ROBO2: variants seen among roughly 807,000 people sequenced by gnomAD.
ROBO2 encodes roundabout homolog 2.
A neutral mutation model predicts 160.8 loss-of-function variants in ROBO2; 53 were observed. The ratio of observed to expected loss-of-function variants is 0.33; its 90% CI spans 0.26 to 0.41. The LOEUF is 0.41. Ranked by LOEUF, ROBO2 falls within the 10% of genes least tolerant of loss-of-function variation. The pLI is 1.00. For synonymous variants in ROBO2, 664 were observed against 611.7 expected, an observed-to-expected ratio of 1.09 and a Z score of -1.26; for missense variants, 1,577 against 1,722.4, an observed-to-expected ratio of 0.92 and a Z score of 1.49.
chr3:77,123,893 A>G (rs917097677), intron 2 of ROBO2, among the ~76,000 whole-genome samples: 1 of 138,838 alleles, frequency 7.2e-6, no homozygotes, highest in Admixed American at 7.2e-5. Context: ...ATATAGATAC[A>G]CATATCTATG....
intron 2 of ROBO2, among the ~76,000 whole-genome samples, chr3:76,957,198 G>A (rs1429454575): frequency 2.0e-5 from 3 of 151,698 alleles, no homozygotes; most frequent in East Asian, 1.9e-4. Context: ...TGGCTGAATC[G>A]TTTATCTGTA....
intron 2 of ROBO2, among the ~76,000 whole-genome samples, chr3:76,264,453 C>A (rs1176876931): frequency 6.6e-6 from 1 of 151,666 alleles, no homozygotes; most frequent in Non-Finnish European, 1.5e-5. Flanking sequence ...GCCTGGAAAA[C>A]ATAACATGAA....
intron 2 of ROBO2, among the ~76,000 whole-genome samples, chr3:77,292,195 A>C (rs1383034909): frequency 6.6e-6 from 1 of 151,642 alleles, no homozygotes; most frequent in Admixed American, 6.6e-5. Context: ...ATAAAGTAAA[A>C]TTGATGGTTA....
Position 76,798,317 on chromosome 3 carries a change from A to AAGAAAAG in ROBO2, c.110-299693_110-299692insAAGAGAA, listed in dbSNP as rs1560581264. On this transcript the variant is annotated intron_variant, in intron 2 of 26. Transcript: ENST00000487694. ...GAAAGAAAGAAAGAAAGAAAGAAAA[A>AAGAAAAG]AGAACGAATGAACTAAAGGCCAATA... 2.6e-5 allele frequency among the ~76,000 whole-genome samples: 4 copies of AAGAAAAG among 151,274 alleles called. No individual in the cohort carries two copies. In the East Asian group the frequency reaches 7.8e-4, roughly 29 times the overall value.
chr3:76,905,912 C>G (rs2075571610), intron 2 of ROBO2, among the ~76,000 whole-genome samples: 1 of 152,126 alleles, frequency 6.6e-6, no homozygotes, highest in Non-Finnish European at 1.5e-5. Flanking sequence ...CCTGGAGTTA[C>G]CTCAATTTTT....
chr3:76,782,138 T>C (rs749355359), intron 2 of ROBO2, among the ~76,000 whole-genome samples: 7 of 150,818 alleles, frequency 4.6e-5, no homozygotes, highest in Non-Finnish European at 8.9e-5. Flanking sequence ...TGATTTCTTC[T>C]TTAACCCATT....
intron 2 of ROBO2, among the ~76,000 whole-genome samples, chr3:76,937,501 CT>C (rs1457796828): frequency 2.6e-5 from 4 of 151,558 alleles, no homozygotes; most frequent in African/African-American, 9.7e-5. Flanking sequence ...TATTCTTTTT[CT>C]TATGTAATTT....
At chr3:76,235,012 A>G (rs566508485) in intron 2 of ROBO2, among the ~76,000 whole-genome samples, 93 of 152,224 alleles carry the variant, frequency 6.1e-4, no homozygotes, top group African/African-American at 2.1e-3. Flanking sequence ...ACTCCCAAGG[A>G]TGTTAAGATG....
chr3:77,005,628 T>A (rs568581855), intron 2 of ROBO2, among the ~76,000 whole-genome samples: 1 of 152,160 alleles, frequency 6.6e-6, no homozygotes, highest in Non-Finnish European at 1.5e-5. Context: ...AAAATAAGAA[T>A]GATATAAACG....
chr3:76,560,429 C>A (rs1193004165), intron 2 of ROBO2, among the ~76,000 whole-genome samples: 10 of 151,870 alleles, frequency 6.6e-5, no homozygotes, highest in Non-Finnish European at 1.5e-4. Context: ...TTTCTAAATT[C>A]CACAAAACCA....
At chr3:76,739,691 C>T (rs1432212040) in intron 2 of ROBO2, among the ~76,000 whole-genome samples, 1 of 151,996 alleles carries the variant, frequency 6.6e-6, no homozygotes, top group Non-Finnish European at 1.5e-5. Context: ...AGGGCATCAC[C>T]TGGTAAAGCA....
chr3:76,227,213 A>T (rs930449064), intron 2 of ROBO2, among the ~76,000 whole-genome samples: 12 of 152,282 alleles, frequency 7.9e-5, no homozygotes, highest in African/African-American at 2.9e-4. Context: ...TTAACCCTTG[A>T]TTCTGCCAGC....
intron 2 of ROBO2, among the ~76,000 whole-genome samples, chr3:76,537,615 G>A (rs948192861): frequency 6.6e-6 from 1 of 152,132 alleles, no homozygotes; most frequent in Non-Finnish European, 1.5e-5. Flanking sequence ...CTCATGGAGA[G>A]AGGGTGAGGA....
At chr3:75,959,761 C>G (rs1427260110) in intron 2 of ROBO2, among the ~76,000 whole-genome samples, 1 of 151,570 alleles carries the variant, frequency 6.6e-6, no homozygotes, top group Non-Finnish European at 1.5e-5. Flanking sequence ...TTTAAAGTTA[C>G]TTACTTTAGT....
intron 2 of ROBO2, among the ~76,000 whole-genome samples, chr3:76,966,903 C>T (rs1232444397): frequency 2.0e-5 from 3 of 152,216 alleles, no homozygotes; most frequent in South Asian, 2.1e-4. Flanking sequence ...TTGCTTGAGA[C>T]ATCTTGTGAA....
intron 2 of ROBO2, among the ~76,000 whole-genome samples, chr3:76,168,039 A>G (rs2072903192): frequency 6.6e-6 from 1 of 152,208 alleles, no homozygotes; most frequent in African/African-American, 2.4e-5. Flanking sequence ...TCAACCTTGG[A>G]CTAACTCATG....
At chr3:77,484,200 A>G (rs753735842) in intron 4 of ROBO2, among the ~76,000 whole-genome samples, 2 of 152,028 alleles carry the variant, frequency 1.3e-5, no homozygotes, top group Non-Finnish European at 2.9e-5. Context: ...TAGCACTGAA[A>G]TCTGTGGCCC....
At chr3:76,350,473 A>G (rs1365367320) in intron 2 of ROBO2, among the ~76,000 whole-genome samples, 1 of 152,050 alleles carries the variant, frequency 6.6e-6, no homozygotes, top group African/African-American at 2.4e-5. Flanking sequence ...TATAACCTAC[A>G]TGATATTTTA....
rs149627183 is a variant in ROBO2, at chr3:76,796,482, G to GGGAA, written c.110-301515_110-301512dup. Among the ~76,000 whole-genome samples, 1,223 of 137,142 alleles carry GGGAA rather than the reference G, an allele frequency of 8.9e-3. 21 individuals are homozygous for GGGAA. Among genetic ancestry groups the GGGAA allele is most frequent in the African/African-American group, 0.03 (1,123 of 36,982 alleles). The allele number at this position is 137,142 out of a possible 152,430, so 90.0% of individuals were successfully genotyped here. On this transcript the variant is annotated intron_variant, in intron 2 of 26. Transcript: ENST00000487694. ...AAGACCCAAAGGAAGGAAGGAAGGAGGGAAGGAAGGAAGGAAGGAAAGAAG... is the reference window on the plus strand; with the variant it reads ...AAGACCCAAAGGAAGGAAGGAAGGAGGGAAGGAAGGAAGGAAGGAAGGAAAGAAG...
Sources: gnomAD v4.1 joint callset for allele counts (sites outside exome capture counted in the v4.1 genomes callset) on GRCh38, gnomAD v4.1.1 for gene constraint, MANE v1.5 for transcripts, NCBI Gene and HGNC (gene_info 2026-07-23, HGNC 2026-07-21) for gene names.